The following GMDS variants were observed in gnomAD, a reference collection of about 807,000 sequenced individuals.
GMDS encodes the protein GDP-mannose 4,6-dehydratase, also known as GDP-mannose 4,6 dehydratase.
In GMDS, 20 loss-of-function variants were observed where a neutral mutation model predicts 49.9. The observed-to-expected ratio is 0.40, with a 90% CI of 0.28 to 0.58. The LOEUF is 0.58. GMDS is among the 20% of genes least tolerant of loss of function. The probability of loss-of-function intolerance (pLI) is 0.42; values close to 1 mark genes in which losing one functional copy is unlikely to be tolerated. For synonymous variants in GMDS, 177 were observed against 178.6 expected, an observed-to-expected ratio of 0.99 and a Z score of 0.07; for missense variants, 362 against 481.4, an observed-to-expected ratio of 0.75 and a Z score of 2.32.
intron 4 of GMDS, among the ~76,000 whole-genome samples, chr6:2,106,870 G>A (rs6920851): frequency 0.099 from 12,811 of 129,510 alleles, 1,764 homozygotes; most frequent in African/African-American, 0.37. Context: ...CTCAAAAAAA[G>A]AAAAAAAAAA....
chr6:2,049,191 G>A (rs561876011), intron 4 of GMDS, among the ~76,000 whole-genome samples: 1 of 152,258 alleles, frequency 6.6e-6, no homozygotes, highest in South Asian at 2.1e-4. Context: ...ATGGCAACCT[G>A]AGCTAAGATT....
intron 7 of GMDS, among the ~76,000 whole-genome samples, chr6:1,915,467 A>C (rs147753240): frequency 0.011 from 1,677 of 152,360 alleles, 10 homozygotes; most frequent in Middle Eastern, 0.024. Context: ...GGCACGGTGC[A>C]GGGCCAGCAG....
chr6:2,186,876 T>C (rs1283998728), intron 1 of GMDS, among the ~76,000 whole-genome samples: 4 of 152,242 alleles, frequency 2.6e-5, no homozygotes. Flanking sequence ...TACGTGTACA[T>C]ATATTTCATA....
chr6:2,009,199 TC>T (rs1767391187), intron 4 of GMDS, among the ~76,000 whole-genome samples: 1 of 152,200 alleles, frequency 6.6e-6, no homozygotes, highest in South Asian at 2.1e-4. Flanking sequence ...CATTCACACA[TC>T]CTGATGCCTC....
chr6:1,957,933 G>C (rs1763730790), intron 6 of GMDS, among the ~76,000 whole-genome samples: 1 of 151,834 alleles, frequency 6.6e-6, no homozygotes, highest in African/African-American at 2.4e-5. Context: ...TTCCCGAGTA[G>C]CTAGGACTTC....
chr6:2,075,439 G>C (rs776937620), intron 4 of GMDS, among the ~76,000 whole-genome samples: 1 of 152,142 alleles, frequency 6.6e-6, no homozygotes, highest in Non-Finnish European at 1.5e-5. Flanking sequence ...CCTGGTGTGT[G>C]ATGTTCCTCT....
At chr6:2,136,283 C>A (rs1775995259) in intron 1 of GMDS, among the ~76,000 whole-genome samples, 1 of 152,192 alleles carries the variant, frequency 6.6e-6, no homozygotes, top group South Asian at 2.1e-4. Flanking sequence ...TAAAACTGAT[C>A]ATTGAAAAAG....
intron 4 of GMDS, among the ~76,000 whole-genome samples, chr6:2,100,664 T>C (rs1426093605): frequency 1.3e-5 from 2 of 151,970 alleles, no homozygotes; most frequent in Non-Finnish European, 2.9e-5. Context: ...AAAATCTATA[T>C]CACTGACGAG....
At chr6:1,882,605 A>T (rs141045935) in intron 7 of GMDS, among the ~76,000 whole-genome samples, 1 of 152,352 alleles carries the variant, frequency 6.6e-6, no homozygotes, top group East Asian at 1.9e-4. Context: ...AGAAAGAAAA[A>T]AGAAAAAAAT....
chr6:1,942,506 G>C (rs913250896), intron 6 of GMDS, among the ~76,000 whole-genome samples: 1 of 152,214 alleles, frequency 6.6e-6, no homozygotes, highest in South Asian at 2.1e-4. Context: ...ACTGGGACTG[G>C]TTGAGGGAGT....
Position 1,803,568 on chromosome 6 carries a change from G to A in GMDS, c.772-60982C>T, listed in dbSNP as rs147745175. On this transcript the variant is annotated intron_variant, in intron 7 of 10. Coordinates refer to ENST00000380815, the MANE Select transcript of GMDS (RefSeq NM_001500.4). The stretch of plus-strand genomic sequence containing the variant: ...AGAAAAACCAAAATGCTCCCTTCCC[G>A]TCCCCAAATAAATAAATAAATAAAT... Among the ~76,000 whole-genome samples the A allele has an allele frequency of 2.1e-3, 316 of 150,576 alleles. 1 individual carries two copies. Among genetic ancestry groups the A allele is most frequent in the African/African-American group, 7.5e-3 (309 of 41,136 alleles).
intron 1 of GMDS, among the ~76,000 whole-genome samples, chr6:2,179,080 G>C (rs1459509925): frequency 6.6e-6 from 1 of 152,190 alleles, no homozygotes; most frequent in Non-Finnish European, 1.5e-5. Context: ...CACGGGATGA[G>C]AAATAAATGC....
At position 1,833,138 on chromosome 6, in the gene GMDS, T is replaced by C. The variant is rs1311232938; in HGVS notation, c.772-90552A>G. On this transcript the variant is annotated intron_variant, in intron 7 of 10. Coordinates refer to ENST00000380815, the MANE Select transcript of GMDS (RefSeq NM_001500.4). The surrounding 1 kb of genome is among the most constrained non-coding windows in gnomAD (Gnocchi z 4.4). ...AGCGTATGAAAGCCTTTTTTTTTTT[T>C]TTTTTTTTTTTAAACTAATGCACTG... 2.0e-5 allele frequency among the ~76,000 whole-genome samples: 3 copies of C among 151,446 alleles called. No individual in the cohort carries two copies. The highest frequency in any genetic ancestry group is 4.4e-5 in the Non-Finnish European group (3 of 67,876).
At chr6:1,685,166 G>A (rs1764931571) in intron 9 of GMDS, among the ~76,000 whole-genome samples, 1 of 152,142 alleles carries the variant, frequency 6.6e-6, no homozygotes. Context: ...GGAGGCCGAG[G>A]TGGGCAGATC....
intron 7 of GMDS, among the ~76,000 whole-genome samples, chr6:1,825,321 C>T (rs1390659846): frequency 6.6e-6 from 1 of 152,136 alleles, no homozygotes; most frequent in African/African-American, 2.4e-5. Flanking sequence ...TATTTTCTTA[C>T]CTCTTAAAAA....
chr6:1,799,086 A>G (rs1220872458), intron 7 of GMDS, among the ~76,000 whole-genome samples: 1 of 152,118 alleles, frequency 6.6e-6, no homozygotes, highest in Non-Finnish European at 1.5e-5. Flanking sequence ...TCCCTAGGAT[A>G]TCGTGTAGGT....
intron 4 of GMDS, among the ~76,000 whole-genome samples, chr6:1,964,764 G>A (rs1764166196): frequency 6.6e-6 from 1 of 152,066 alleles, no homozygotes; most frequent in Admixed American, 6.5e-5. Flanking sequence ...TGCCATGTTG[G>A]TGTGCTGCAC....
chr6:2,184,146 C>T (rs1778675628), intron 1 of GMDS, among the ~76,000 whole-genome samples: 1 of 152,092 alleles, frequency 6.6e-6, no homozygotes, highest in Admixed American at 6.5e-5. Context: ...TACAGGCGGT[C>T]AACTTCTCTC....
At chr6:1,651,414 G>C (rs1285596073) in intron 9 of GMDS, among the ~76,000 whole-genome samples, 1 of 152,236 alleles carries the variant, frequency 6.6e-6, no homozygotes, top group Admixed American at 6.5e-5. Flanking sequence ...GAACAGGGAA[G>C]GGAGGTAGAT....
Sources: allele counts gnomAD v4.1 joint callset (sites outside exome capture counted in the v4.1 genomes callset), GRCh38; gene constraint gnomAD v4.1.1; non-coding constraint Gnocchi (gnomAD v3.1); transcripts MANE v1.5; gene names NCBI Gene and HGNC (gene_info 2026-07-23, HGNC 2026-07-21).